Variants in SGK1 observed in about 807,000 individuals in gnomAD.
The protein encoded by SGK1 is serum/glucocorticoid regulated kinase 1.
Under a neutral mutation model 64.2 loss-of-function variants are expected in SGK1, and 26 were observed. The ratio of observed to expected loss-of-function variants is 0.40; its 90% confidence interval spans 0.30 to 0.56. The LOEUF (loss-of-function observed/expected upper bound fraction) is 0.56, where lower values mean the gene tolerates loss of function less well. Ranked by LOEUF, SGK1 falls within the 20% of genes least tolerant of loss-of-function variation. SGK1 has a pLI of 0.38. For missense variants in SGK1, 519 were observed against 645.6 expected, an observed-to-expected ratio of 0.80 and a Z score of 2.12; for synonymous variants, 265 against 239.7, an observed-to-expected ratio of 1.11 and a Z score of -0.98.
chr6:134,287,830 C>T (rs1485812762), intron 1 of SGK1, among the ~76,000 whole-genome samples: 1 of 151,972 alleles, frequency 6.6e-6, no homozygotes, highest in African/African-American at 2.4e-5. Context: ...ACCCTGTGCT[C>T]TATTTTGTTT....
intron 1 of SGK1, among the ~76,000 whole-genome samples, chr6:134,268,297 G>A (rs1776884437): frequency 6.6e-6 from 1 of 152,216 alleles, no homozygotes; most frequent in South Asian, 2.1e-4. Context: ...ATGCCCGGAT[G>A]CCAGCGGCAG....
chr6:134,249,879 C>G (rs2114734685), intron 2 of SGK1, among the ~76,000 whole-genome samples: 1 of 152,270 alleles, frequency 6.6e-6, no homozygotes. Context: ...AAGAAGAGAA[C>G]CGTAATGGTC....
At chr6:134,170,506 G>A in intron 13 of SGK1, 71 bp from the exon 14 acceptor site, 1 of 1,411,784 alleles carries the variant, frequency 7.1e-7, no homozygotes, top group Non-Finnish European at 9.7e-7. Flanking sequence ...ATCTTGACCA[G>A]GCTTTAAATA....
At position 134,228,883 on chromosome 6, in the gene SGK1, A is replaced by G. The variant is rs1482730135; in HGVS notation, c.286-21452T>C. ...TTTTGAGACGGAGTCTCGCTCTTTCACCCAGGTGGGACTGCAGTGGCGCGA... is the reference window on the plus strand; with the variant it reads ...TTTTGAGACGGAGTCTCGCTCTTTCGCCCAGGTGGGACTGCAGTGGCGCGA... On this transcript the variant is annotated intron_variant, in intron 2 of 13. Coordinates refer to ENST00000367858, the MANE Select transcript of SGK1 (RefSeq NM_001143676.3). Among the ~76,000 whole-genome samples, 12 of 126,872 alleles carry G rather than the reference A, an allele frequency of 9.5e-5. No homozygotes were observed. The Admixed American group carries it at 1.1e-3, about 12-fold the overall frequency. 83.2% of individuals were successfully genotyped at this position (126,872 alleles called of 152,430 possible). A position where few individuals can be genotyped will look rare whatever the true frequency, so the allele number is the denominator to read the frequency against.
intron 3 of SGK1, among the ~76,000 whole-genome samples, chr6:134,188,094 A>T (rs958476512): frequency 1.6e-4 from 24 of 152,166 alleles, no homozygotes; most frequent in African/African-American, 5.5e-4. Flanking sequence ...TGGATGCAAG[A>T]GTAGTTGGGG....
At chr6:134,288,963 T>G (rs1454255774) in intron 1 of SGK1, among the ~76,000 whole-genome samples, 1 of 152,204 alleles carries the variant, frequency 6.6e-6, no homozygotes, top group Non-Finnish European at 1.5e-5. Context: ...CTACAAAGGC[T>G]CTTTTAAATG....
intron 3 of SGK1, chr6:134,175,583 C>T (rs1375078907): frequency 3.2e-6 from 5 of 1,568,326 alleles, no homozygotes; most frequent in Non-Finnish European, 3.5e-6. Context: ...CTTTTCTGCG[C>T]CTCGGCCCTC....
At chr6:134,218,211 A>G (rs546444609) in intron 2 of SGK1, among the ~76,000 whole-genome samples, 1 of 152,312 alleles carries the variant, frequency 6.6e-6, no homozygotes, top group Non-Finnish European at 1.5e-5. Context: ...TAAGGGCTGG[A>G]GTCCATGTCT....
intron 3 of SGK1, chr6:134,175,911 G>T (rs1416954488): frequency 2.2e-5 from 27 of 1,215,990 alleles, no homozygotes; most frequent in Non-Finnish European, 2.7e-5. Context: ...AGGGAAAAGG[G>T]GGAGGGAGAG....
intron 3 of SGK1, 65 bp downstream of exon 3, chr6:134,207,291 T>C: frequency 9.8e-7 from 1 of 1,021,046 alleles, no homozygotes; most frequent in Non-Finnish European, 1.5e-6. Flanking sequence ...TGCCTTTGTG[T>C]AGAGCTTTAC....
intron 1 of SGK1, among the ~76,000 whole-genome samples, chr6:134,285,408 G>A (rs928571398): frequency 5.3e-5 from 8 of 150,816 alleles, no homozygotes; most frequent in African/African-American, 1.7e-4. Flanking sequence ...AACCAGGGAG[G>A]CAGAGGTTGC....
chr6:134,220,638 AGTTTAG>A (rs1221758565), intron 2 of SGK1, among the ~76,000 whole-genome samples: 1 of 152,146 alleles, frequency 6.6e-6, no homozygotes, highest in Non-Finnish European at 1.5e-5. Flanking sequence ...GTTAGAGTTC[AGTTTAG>A]GGTTAGGGTT....
rs910412077 is a variant in SGK1, at chr6:134,174,897, G to A, written c.362-311C>T. 17 of 1,583,020 alleles carry A rather than the reference G, an allele frequency of 1.1e-5. No individual in the cohort carries two copies. In the African/African-American group the frequency reaches 2.2e-4, roughly 20 times the overall value. Reference sequence around the variant, plus strand: ...GCCGCGCGCTCGGCCTTATAAAAAAGGCACCGCCGCGGGGGCGGGGCCTGC... The same window carrying A: ...GCCGCGCGCTCGGCCTTATAAAAAAAGCACCGCCGCGGGGGCGGGGCCTGC... On this transcript the variant is annotated intron_variant, in intron 3 of 13. Coordinates refer to ENST00000367858, the MANE Select transcript of SGK1 (RefSeq NM_001143676.3).
Position 134,229,413 on chromosome 6 carries a change from T to G in SGK1, c.286-21982A>C, listed in dbSNP as rs530082105. On this transcript the variant is annotated intron_variant, in intron 2 of 13. Transcript: ENST00000367858. The stretch of plus-strand genomic sequence containing the variant: ...CATAAAGGAAAATGGATCTAAACAG[T>G]TTATTACTTAAACAGCTGCTAAAGT... Among the ~76,000 whole-genome samples the G allele has an allele frequency of 9.2e-5, 14 of 152,274 alleles. No homozygotes were observed. The South Asian group carries it at 2.9e-3, about 32-fold the overall frequency.
At chr6:134,300,314 A>G (rs1777428732) in intron 1 of SGK1, among the ~76,000 whole-genome samples, 2 of 151,858 alleles carry the variant, frequency 1.3e-5, no homozygotes, top group African/African-American at 4.8e-5. Flanking sequence ...CGAGACGGGC[A>G]GATCACGAGG....
At chr6:134,256,988 T>G (rs1402617210) in intron 2 of SGK1, 1 of 152,220 alleles carries the variant, frequency 6.6e-6, no homozygotes, top group Non-Finnish European at 1.5e-5. Flanking sequence ...GTGCTAGTTT[T>G]AAAGTTGAAC....
chr6:134,280,783 C>T (rs1408451125), intron 1 of SGK1, among the ~76,000 whole-genome samples: 1 of 152,086 alleles, frequency 6.6e-6, no homozygotes. Flanking sequence ...ATAGCAGATC[C>T]AGGCCAGGTG....
chr6:134,203,042 G>A (rs1172729118), intron 3 of SGK1, among the ~76,000 whole-genome samples: 4 of 152,126 alleles, frequency 2.6e-5, no homozygotes, highest in Admixed American at 1.3e-4. Context: ...TCAAGAGATC[G>A]AGGCCAGCCT....
At chr6:134,276,859 C>A (rs1777025942) in intron 1 of SGK1, among the ~76,000 whole-genome samples, 1 of 152,036 alleles carries the variant, frequency 6.6e-6, no homozygotes, top group African/African-American at 2.4e-5. Context: ...CTAGACTAGC[C>A]TGGGCAACAT....
Sources: gnomAD v4.1 joint callset for allele counts (sites outside exome capture counted in the v4.1 genomes callset) on GRCh38, gnomAD v4.1.1 for gene constraint, MANE v1.5 for transcripts, NCBI Gene and HGNC (gene_info 2026-07-23, HGNC 2026-07-21) for gene names.